DIAPH3: variants seen among roughly 807,000 people sequenced by gnomAD.
The protein encoded by DIAPH3 is protein diaphanous homolog 3.
DIAPH3 carries 117 observed loss-of-function variants against 144.3 expected under a neutral mutation model. The ratio of observed to expected loss-of-function variants is 0.81; its 90% CI spans 0.70 to 0.95. DIAPH3 has a LOEUF of 0.95. DIAPH3 is among the 40% of genes least tolerant of loss of function. DIAPH3 has a pLI of 0.00. For missense variants in DIAPH3, 1,421 were observed against 1,412.7 expected, an observed-to-expected ratio of 1.01 and a Z score of -0.09; for synonymous variants, 519 against 488.9, an observed-to-expected ratio of 1.06 and a Z score of -0.81.
At chr13:60,051,582 T>C (rs2056346459) in intron 4 of DIAPH3, among the ~76,000 whole-genome samples, 1 of 151,824 alleles carries the variant, frequency 6.6e-6, no homozygotes, top group Non-Finnish European at 1.5e-5. Flanking sequence ...ATCACACCAT[T>C]GCACTCCAGC....
chr13:60,024,202 T>A (rs2054229772), intron 5 of DIAPH3, among the ~76,000 whole-genome samples: 1 of 152,136 alleles, frequency 6.6e-6, no homozygotes, highest in Non-Finnish European at 1.5e-5. Context: ...GTCCTCTTTC[T>A]CCTCTCAAGT....
chr13:60,005,584 CA>C (rs1166505758), intron 9 of DIAPH3, among the ~76,000 whole-genome samples: 2 of 152,068 alleles, frequency 1.3e-5, no homozygotes, highest in Non-Finnish European at 2.9e-5. Context: ...GGGTTCACAC[CA>C]TTCTCCTGCC....
At chr13:59,729,246 T>A (rs1025302502) in intron 27 of DIAPH3, among the ~76,000 whole-genome samples, 1 of 152,158 alleles carries the variant, frequency 6.6e-6, no homozygotes, top group African/African-American at 2.4e-5. Context: ...TAGGTACGTA[T>A]CAGTCAGGCA....
chr13:59,883,334 A>G (rs1261604237), intron 20 of DIAPH3, among the ~76,000 whole-genome samples: 3 of 152,302 alleles, frequency 2.0e-5, no homozygotes, highest in East Asian at 1.9e-4. Context: ...GTTTAACACC[A>G]TATCTACTTC....
intron 27 of DIAPH3, among the ~76,000 whole-genome samples, chr13:59,696,544 TCTCA>T (rs1359338658): frequency 2.0e-5 from 3 of 152,204 alleles, no homozygotes; most frequent in Non-Finnish European, 4.4e-5. Context: ...TCACTTTAGA[TCTCA>T]CTGTTATTTC....
At chr13:59,879,598 A>G (rs1171232560) in intron 20 of DIAPH3, 130 bp from the exon 21 acceptor site, 8 of 1,307,660 alleles carry the variant, frequency 6.1e-6, no homozygotes, top group Non-Finnish European at 8.4e-6. Context: ...CCTAAAACTG[A>G]TAGCAGGAAG....
chr13:59,976,933 T>C (rs908043089), intron 14 of DIAPH3, among the ~76,000 whole-genome samples: 16 of 151,920 alleles, frequency 1.1e-4, no homozygotes, highest in Non-Finnish European at 2.1e-4. Context: ...TGAATGTTGC[T>C]ATTCTTTGTA....
At chr13:59,764,480 T>C (rs1428529854) in intron 27 of DIAPH3, among the ~76,000 whole-genome samples, 2 of 151,338 alleles carry the variant, frequency 1.3e-5, no homozygotes, top group African/African-American at 4.9e-5. Context: ...GATTGAACTG[T>C]GTCCCCTCAA....
intron 27 of DIAPH3, among the ~76,000 whole-genome samples, chr13:59,697,187 C>T (rs1278254122): frequency 1.3e-5 from 2 of 151,700 alleles, no homozygotes; most frequent in Non-Finnish European, 1.5e-5. Context: ...GGGCCGGGCG[C>T]GGTGGCTCAC....
At chr13:60,054,922 T>C (rs2056498523) in intron 4 of DIAPH3, among the ~76,000 whole-genome samples, 1 of 151,916 alleles carries the variant, frequency 6.6e-6, no homozygotes. Context: ...TCACAGATAA[T>C]TTTATGCAAA....
intron 24 of DIAPH3, among the ~76,000 whole-genome samples, chr13:59,814,730 T>C (rs143010334): frequency 4.6e-5 from 7 of 152,330 alleles, no homozygotes; most frequent in African/African-American, 1.4e-4. Context: ...CCTTGTTTTA[T>C]ATTTAGTCAG....
chr13:59,799,075 C>T (rs915296140), intron 25 of DIAPH3, among the ~76,000 whole-genome samples: 4 of 151,962 alleles, frequency 2.6e-5, no homozygotes, highest in African/African-American at 7.3e-5. Context: ...AAGAATGTTT[C>T]CAAGAATCAT....
intron 27 of DIAPH3, among the ~76,000 whole-genome samples, chr13:59,697,982 T>C (rs1319878890): frequency 6.6e-6 from 1 of 152,198 alleles, no homozygotes; most frequent in Non-Finnish European, 1.5e-5. Context: ...CAGAAGTAAA[T>C]AACACTCCTG....
At chr13:59,845,972 G>A (rs341508) in intron 22 of DIAPH3, among the ~76,000 whole-genome samples, 119,674 of 152,122 alleles carry the variant, frequency 0.79, 47,201 homozygotes, top group East Asian at 0.88. Context: ...AGATAAGAGC[G>A]TTAAAAATGA....
At chr13:59,837,710 T>A (rs2042111912) in intron 23 of DIAPH3, 1 of 151,552 alleles carries the variant, frequency 6.6e-6, no homozygotes, top group Non-Finnish European at 1.5e-5. Flanking sequence ...AAAGCACACT[T>A]TGTCATATGA....
At chr13:60,138,250 G>A (rs149506990) in intron 1 of DIAPH3, among the ~76,000 whole-genome samples, 1 of 152,220 alleles carries the variant, frequency 6.6e-6, no homozygotes, top group African/African-American at 2.4e-5. Flanking sequence ...GTCTAAGGTG[G>A]GACCTGGGAA....
chr13:59,961,626 G>C (rs1165666164), intron 17 of DIAPH3, among the ~76,000 whole-genome samples: 1 of 152,192 alleles, frequency 6.6e-6, no homozygotes, highest in East Asian at 1.9e-4. Flanking sequence ...TTAAATCAAT[G>C]CAGAGCACTT....
chr13:60,156,918 C>CATATATATATATAT (rs1233542016), intron 1 of DIAPH3, among the ~76,000 whole-genome samples: 1 of 55,678 alleles, frequency 1.8e-5, no homozygotes, highest in Non-Finnish European at 3.4e-5. Flanking sequence ...CCAGATCCTT[C>CATATATATATATAT]ATATATATAT....
chr13:59,820,167 C>A (rs894400017), intron 24 of DIAPH3, among the ~76,000 whole-genome samples: 1 of 151,836 alleles, frequency 6.6e-6, no homozygotes, highest in African/African-American at 2.4e-5. Context: ...ATATATGCTT[C>A]CATCAAACAT....
Sources: allele counts gnomAD v4.1 joint callset (sites outside exome capture counted in the v4.1 genomes callset), GRCh38; gene constraint gnomAD v4.1.1; transcripts MANE v1.5; gene names NCBI Gene and HGNC (gene_info 2026-07-23, HGNC 2026-07-21).